CTBP2: variants seen among roughly 807,000 people sequenced by gnomAD.
The protein encoded by CTBP2 is C-terminal-binding protein 2.
CTBP2 carries 30 observed loss-of-function variants against 80.3 expected under a neutral mutation model. That is an observed-to-expected ratio of 0.37 (90% confidence interval 0.28 to 0.51). The LOEUF is 0.51. Among genes scored for constraint, CTBP2 ranks in the 20% least tolerant of loss-of-function variants. The pLI is 0.93. For synonymous variants in CTBP2, 594 were observed against 587.4 expected, an observed-to-expected ratio of 1.01 and a Z score of -0.16; for missense variants, 1,212 against 1,375.3, an observed-to-expected ratio of 0.88 and a Z score of 1.88.
intron 3 of CTBP2, among the ~76,000 whole-genome samples, chr10:125,036,926 T>C (rs1958964557): frequency 6.6e-6 from 1 of 152,110 alleles, no homozygotes; most frequent in Admixed American, 6.5e-5. Flanking sequence ...AGTCAGCTTA[T>C]ACATAGGAGG....
rs147362727 is a variant in CTBP2 at position 125,012,508 on chromosome 10, G to A, written c.1679-9016C>T. 1.2e-3 allele frequency among the ~76,000 whole-genome samples: 176 copies of A among 152,254 alleles called. No individual in the cohort carries two copies. In the East Asian group the frequency reaches 0.03, roughly 26 times the overall value. ...CTGCTTGTTCTCTTCCTGCCGGCACGCCAAGGTCAGATGCGCCCTGGGGTT... is the reference window on the plus strand; with the variant it reads ...CTGCTTGTTCTCTTCCTGCCGGCACACCAAGGTCAGATGCGCCCTGGGGTT... On this transcript the variant is annotated intron_variant, in intron 1 of 8. Transcript: ENST00000309035.
chr10:125,076,911 C>T (rs2135514979), intron 2 of CTBP2, among the ~76,000 whole-genome samples: 1 of 152,290 alleles, frequency 6.6e-6, no homozygotes, highest in African/African-American at 2.4e-5. Context: ...TCATTTCTGC[C>T]AAGAATCATC....
chr10:125,099,250 T>C (rs1447251311), intron 2 of CTBP2, among the ~76,000 whole-genome samples: 3 of 152,178 alleles, frequency 2.0e-5, no homozygotes, highest in Non-Finnish European at 2.9e-5. Flanking sequence ...CCCTTATCCA[T>C]CAATTTATAG....
intron 2 of CTBP2, among the ~76,000 whole-genome samples, chr10:125,050,968 C>T (rs747968841): frequency 2.6e-5 from 4 of 152,162 alleles, no homozygotes; most frequent in African/African-American, 4.8e-5. Context: ...GGATGGTGCC[C>T]ATGAATACAG....
At chr10:125,021,081 G>A (rs1956988400) in intron 1 of CTBP2, among the ~76,000 whole-genome samples, 1 of 152,164 alleles carries the variant, frequency 6.6e-6, no homozygotes, top group African/African-American at 2.4e-5. Flanking sequence ...CGGGGTCAGA[G>A]GAAGTGCTGT....
chr10:125,062,913 T>C (rs559876112), intron 2 of CTBP2, among the ~76,000 whole-genome samples: 1 of 152,316 alleles, frequency 6.6e-6, no homozygotes, highest in Non-Finnish European at 1.5e-5. Context: ...AGGAACAACA[T>C]CTGCTGTGCA....
At chr10:125,111,776 C>T (rs79794398) in intron 1 of CTBP2, among the ~76,000 whole-genome samples, 4,694 of 152,314 alleles carry the variant, frequency 0.031, 103 homozygotes, top group Middle Eastern at 0.079. Flanking sequence ...GAACTACTTC[C>T]TATGCACACA....
intron 1 of CTBP2, among the ~76,000 whole-genome samples, chr10:125,159,558 G>C (rs1454453245): frequency 6.7e-6 from 1 of 150,082 alleles, no homozygotes. Flanking sequence ...ATGCGGGGCC[G>C]GCAAAACAAA....
intron 2 of CTBP2, among the ~76,000 whole-genome samples, chr10:125,055,125 G>A (rs1007720092): frequency 6.6e-6 from 1 of 152,184 alleles, no homozygotes; most frequent in Non-Finnish European, 1.5e-5. Flanking sequence ...CCTCTGAATG[G>A]TAATTCACTG....
At chr10:125,071,200 G>A (rs1248522555) in intron 2 of CTBP2, among the ~76,000 whole-genome samples, 1 of 152,246 alleles carries the variant, frequency 6.6e-6, no homozygotes, top group Non-Finnish European at 1.5e-5. Context: ...AACAGAGGCA[G>A]CGAGGGGCAG....
At chr10:124,992,058 A>G (rs61870304) in intron 8 of CTBP2, among the ~76,000 whole-genome samples, 11,238 of 152,178 alleles carry the variant, frequency 0.074, 581 homozygotes, top group Non-Finnish European at 0.12. Flanking sequence ...GTGTGTGGAC[A>G]AGGTCATCAT....
At chr10:125,152,423 C>A (rs929993105) in intron 1 of CTBP2, among the ~76,000 whole-genome samples, 1 of 152,196 alleles carries the variant, frequency 6.6e-6, no homozygotes, top group African/African-American at 2.4e-5. Context: ...TCAGTCTGAG[C>A]GGATCGCAGG....
At chr10:125,003,161 A>C in intron 2 of CTBP2, 57 bp from the exon 5 acceptor site, 1 of 1,608,798 alleles carries the variant, frequency 6.2e-7, no homozygotes, top group Non-Finnish European at 8.5e-7. Context: ...CACCGGCACC[A>C]CTTGGCCTGG....
intron 1 of CTBP2, among the ~76,000 whole-genome samples, chr10:125,023,122 C>T (rs7086797): frequency 0.27 from 41,412 of 152,128 alleles, 5,782 homozygotes; most frequent in Admixed American, 0.33. Flanking sequence ...ACAGACCACG[C>T]GCTCCTCCCT....
intron 3 of CTBP2, among the ~76,000 whole-genome samples, chr10:125,033,907 G>A (rs1212165780): frequency 5.9e-5 from 9 of 152,084 alleles, no homozygotes; most frequent in Non-Finnish European, 1.2e-4. Context: ...GGGAAACAGC[G>A]CGATTCACTG....
At chr10:125,109,523 A>C (rs1851964384) in intron 2 of CTBP2, among the ~76,000 whole-genome samples, 1 of 152,256 alleles carries the variant, frequency 6.6e-6, no homozygotes, top group South Asian at 2.1e-4. Flanking sequence ...GGCTGAACTG[A>C]ATAAGGTTGC....
chr10:125,088,387 C>T (rs1848308304), intron 2 of CTBP2: 1 of 152,098 alleles, frequency 6.6e-6, no homozygotes, highest in East Asian at 1.9e-4. Flanking sequence ...ACCATGACCC[C>T]AAATCAAGAG....
At chr10:124,997,225 T>A (rs1390991302) in intron 4 of CTBP2, 1 of 152,230 alleles carries the variant, frequency 6.6e-6, no homozygotes, top group Non-Finnish European at 1.5e-5. Flanking sequence ...ATTGGGAAAT[T>A]GAGGCAAAAA....
At chr10:125,035,314 G>T (rs1036120790) in intron 3 of CTBP2, among the ~76,000 whole-genome samples, 25 of 152,236 alleles carry the variant, frequency 1.6e-4, no homozygotes, top group Non-Finnish European at 2.6e-4. Flanking sequence ...TTCCAGAGGT[G>T]CGGAATGTTT....
Sources: allele counts gnomAD v4.1 joint callset (sites outside exome capture counted in the v4.1 genomes callset), GRCh38; gene constraint gnomAD v4.1.1; transcripts MANE v1.5; gene names NCBI Gene and HGNC (gene_info 2026-07-23, HGNC 2026-07-21).